The following PCDHGA10 variants were observed in gnomAD, a reference collection of about 807,000 sequenced individuals.
PCDHGA10 encodes the protein protocadherin gamma subfamily A, 10, also known as protocadherin gamma-A10.
PCDHGA10 carries 42 observed loss-of-function variants against 59.5 expected under a neutral mutation model. That is an observed-to-expected ratio of 0.71 (90% confidence interval 0.55 to 0.91). PCDHGA10 has a LOEUF of 0.91. Ranked by LOEUF, PCDHGA10 falls within the 40% of genes least tolerant of loss-of-function variation. PCDHGA10 has a pLI of 0.00. For synonymous variants in PCDHGA10, 511 were observed against 517.2 expected, an observed-to-expected ratio of 0.99 and a Z score of 0.16; for missense variants, 1,111 against 1,198.2, an observed-to-expected ratio of 0.93 and a Z score of 1.07.
intron 1 of PCDHGA10, among the ~76,000 whole-genome samples, chr5:141,468,178 T>G (rs1033546956): frequency 1.3e-5 from 2 of 151,580 alleles, no homozygotes; most frequent in African/African-American, 4.8e-5. Context: ...TAGAAAAATT[T>G]GCTGGGCATG....
chr5:141,414,372 A>G lies in PCDHGA10; in HGVS notation c.1197A>G (p.Glu399=). Residue 399 remains glutamate (E), a synonymous_variant, in exon 1 of 4, where the codon GAA becomes GAG. Coordinates refer to ENST00000398610, the MANE Select transcript of PCDHGA10 (RefSeq NM_018913.3). ...TGGCGTATCTACCATTTAAATTAGA[A>G]AAGTCCATTGACAGTTATTACAGAT... The part of the protein sequence containing the change: ...SILAYLPFKL[E]KSIDSYYRLV... 2 of 1,613,914 alleles carry G rather than the reference A, an allele frequency of 1.2e-6. No individual in the cohort carries two copies. Among genetic ancestry groups the G allele is most frequent in the Non-Finnish European group, 1.7e-6 (2 of 1,179,892 alleles).
Position 141,511,103 on chromosome 5 carries a change from A to G in PCDHGA10, c.2741A>G (p.Lys914Arg), listed in dbSNP as rs779731716. The G allele has an allele frequency of 6.2e-7, 1 of 1,614,214 alleles. No individual in the cohort carries two copies. The highest frequency in any genetic ancestry group is 8.5e-7 in the Non-Finnish European group (1 of 1,180,026). The change falls in exon 4 of 4, where the codon AAG becomes AGG. Residue 914 changes from lysine to arginine, a missense_variant. By Grantham distance (26) the Lys-to-Arg change is conservative. Coordinates refer to ENST00000398610, the MANE Select transcript of PCDHGA10 (RefSeq NM_018913.3). ...SNATLTNAAGKRDGKAPAGGN... is the reference protein window; with the variant it reads ...SNATLTNAAGRRDGKAPAGGN... ...GCCACACTGACCAACGCAGCTGGCA[A>G]GCGGGATGGCAAGGCCCCAGCAGGT...
chr5:141,443,385 T>G (rs2098386152), intron 1 of PCDHGA10, among the ~76,000 whole-genome samples: 2 of 151,940 alleles, frequency 1.3e-5, no homozygotes, highest in African/African-American at 4.8e-5. Flanking sequence ...CTTGGGAGGC[T>G]GAGGTGTGAG....
In PCDHGA10 at chr5:141,477,681, T is replaced by G; in HGVS notation, c.2437-17126T>G. On this transcript the variant is annotated intron_variant, in intron 1 of 3. Transcript: ENST00000398610. This position sits in a 1 kb window ranked among gnomAD's most constrained non-coding sequence, Gnocchi z 4.9. ...CGTGACAATGGCATAGTGTCATCCT[T>G]AGTGCCCCTAGACTATGAGGATCGG... 1 of 1,614,180 alleles carries G rather than the reference T, an allele frequency of 6.2e-7. No individual in the cohort carries two copies. Among genetic ancestry groups the G allele is most frequent in the Non-Finnish European group, 8.5e-7 (1 of 1,180,046 alleles).
chr5:141,447,823 C>T lies in PCDHGA10; in HGVS notation c.2436+32212C>T, dbSNP rs192381755. ...AAAATTGGCTGGGCGTGGTGGCTCA[C>T]GCCTGTAATCCCAGTGCTTTGGGAG... On this transcript the variant is annotated intron_variant, in intron 1 of 3. Coordinates refer to ENST00000398610, the MANE Select transcript of PCDHGA10 (RefSeq NM_018913.3). Among the ~76,000 whole-genome samples, 677 of 152,272 alleles carry T rather than the reference C, an allele frequency of 4.4e-3. 5 individuals are homozygous for T. Among genetic ancestry groups the T allele is most frequent in the African/African-American group, 0.015 (635 of 41,548 alleles).
chr5:141,441,937 C>T, intron 1 of PCDHGA10: 1 of 344,792 alleles, frequency 2.9e-6, no homozygotes, highest in Non-Finnish European at 5.6e-6. Context: ...GCTGTCCTAC[C>T]ACGTGCTGCA....
chr5:141,486,803 C>T lies in PCDHGA10; in HGVS notation c.2437-8004C>T. 1 of 1,614,228 alleles carries T rather than the reference C, an allele frequency of 6.2e-7. No homozygotes were observed. Among genetic ancestry groups the T allele is most frequent in the South Asian group, 1.1e-5 (1 of 91,084 alleles). ...GCAGGCCCGGGATCGGGGCAACCCACCCCTTAGCAGCACTGTAACAGTTCG... is the reference window on the plus strand; with the variant it reads ...GCAGGCCCGGGATCGGGGCAACCCATCCCTTAGCAGCACTGTAACAGTTCG... On this transcript the variant is annotated intron_variant, in intron 1 of 3. Coordinates refer to ENST00000398610, the MANE Select transcript of PCDHGA10 (RefSeq NM_018913.3). The surrounding 1 kb of genome is among the most constrained non-coding windows in gnomAD (Gnocchi z 5.0).
Position 141,489,533 on chromosome 5 carries a change from C to G in PCDHGA10, c.2437-5274C>G, listed in dbSNP as rs754586925. The G allele has an allele frequency of 6.2e-7, 1 of 1,614,086 alleles. No individual in the cohort carries two copies. The highest frequency in any genetic ancestry group is 1.7e-5 in the Admixed American group (1 of 60,030). ...ATTGACCGAGAAAGCCTATGTGGAG[C>G]CAGCACCAGCTGCCTGCTGCCAGTG... On this transcript the variant is annotated intron_variant, in intron 1 of 3. Coordinates refer to ENST00000398610, the MANE Select transcript of PCDHGA10 (RefSeq NM_018913.3). The surrounding 1 kb of genome is among the most constrained non-coding windows in gnomAD (Gnocchi z 4.5).
chr5:141,424,061 CTGATT>C, intron 1 of PCDHGA10: 1 of 1,003,194 alleles, frequency 1.0e-6, no homozygotes, highest in Non-Finnish European at 1.2e-6. Flanking sequence ...TGTGCCTTCA[CTGATT>C]TGTAGTTATA....
At chr5:141,459,531 A>G (rs1479666418) in intron 1 of PCDHGA10, among the ~76,000 whole-genome samples, 2 of 152,184 alleles carry the variant, frequency 1.3e-5, no homozygotes, top group Admixed American at 1.3e-4. Context: ...TTTTGTAGGC[A>G]TATTTTTTTT....
chr5:141,432,421 C>T lies in PCDHGA10; in HGVS notation c.2436+16810C>T, dbSNP rs771647620. 10 of 1,614,126 alleles carry T rather than the reference C, an allele frequency of 6.2e-6. No homozygotes were observed. In the African/African-American group the frequency reaches 1.2e-4, roughly 19 times the overall value. ...TGTCGTTGAGCCTGTTCGTGCTGGA[C>T]CAGAACGACAATGCGCCCGAGATCC... On this transcript the variant is annotated intron_variant, in intron 1 of 3. Transcript: ENST00000398610. This position sits in a 1 kb window ranked among gnomAD's most constrained non-coding sequence, Gnocchi z 6.0.
rs201160783 is a variant in PCDHGA10, at chr5:141,418,846, A to G, written c.2436+3235A>G. The G allele has an allele frequency of 7.4e-5, 120 of 1,613,976 alleles. No homozygotes were observed. In the East Asian group the frequency reaches 2.6e-3, roughly 34 times the overall value. On this transcript the variant is annotated intron_variant, in intron 1 of 3. Transcript: ENST00000398610. Reference sequence around the variant, plus strand: ...CAAAAGACCGAGGATCTCTCTCAACACGGTGTAAAGTAATTGTAGAAGTTG... The same window carrying G: ...CAAAAGACCGAGGATCTCTCTCAACGCGGTGTAAAGTAATTGTAGAAGTTG...
At chr5:141,479,975 C>A (rs1459297521) in intron 1 of PCDHGA10, among the ~76,000 whole-genome samples, 1 of 152,186 alleles carries the variant, frequency 6.6e-6, no homozygotes, top group East Asian at 1.9e-4. Context: ...TGAGGTTCTA[C>A]CATTTACCAA....
intron 3 of PCDHGA10, among the ~76,000 whole-genome samples, chr5:141,510,117 T>C (rs1205620535): frequency 6.6e-6 from 1 of 151,908 alleles, no homozygotes; most frequent in East Asian, 1.9e-4. Context: ...TGTTTTGAAA[T>C]ACAAAAATTA....
In PCDHGA10 at chr5:141,477,088, C is replaced by G. The variant is rs1008530221; in HGVS notation, c.2437-17719C>G. On this transcript the variant is annotated intron_variant, in intron 1 of 3. Transcript: ENST00000398610. This position sits in a 1 kb window ranked among gnomAD's most constrained non-coding sequence, Gnocchi z 4.9. ...AACTCCATGAGATTTACATCCAGGC[C>G]AAAGACAAGGGCGCCAATCCCGAAG... The G allele has an allele frequency of 1.2e-6, 2 of 1,614,112 alleles. No individual in the cohort carries two copies. The highest frequency in any genetic ancestry group is 1.6e-4 in the Middle Eastern group (1 of 6,084).
chr5:141,455,541 A>G (rs2098825752), intron 1 of PCDHGA10, among the ~76,000 whole-genome samples: 1 of 152,134 alleles, frequency 6.6e-6, no homozygotes, highest in African/African-American at 2.4e-5. Context: ...CATATCATTC[A>G]CGTAGCCCGA....
intron 1 of PCDHGA10, among the ~76,000 whole-genome samples, chr5:141,443,866 T>C (rs1017854695): frequency 6.6e-6 from 1 of 151,986 alleles, no homozygotes; most frequent in Non-Finnish European, 1.5e-5. Context: ...ACTGAAAAAA[T>C]TACTGATAAG....
chr5:141,434,253 G>C (rs979768901), intron 1 of PCDHGA10, among the ~76,000 whole-genome samples: 9 of 152,198 alleles, frequency 5.9e-5, no homozygotes, highest in Non-Finnish European at 1.3e-4. Flanking sequence ...CTTGGGCATT[G>C]TGGGGGAGGT....
chr5:141,415,234 A>G lies in PCDHGA10; in HGVS notation c.2059A>G (p.Asn687Asp). ...ADLGSFESPA[N>D]SETSDLTLYL... Reference sequence around the variant, plus strand: ...CCTCGGCAGCTTCGAGTCTCCAGCTAACTCTGAAACCTCAGACCTCACTCT... The same window carrying G: ...CCTCGGCAGCTTCGAGTCTCCAGCTGACTCTGAAACCTCAGACCTCACTCT... The change falls in exon 1 of 4, where the codon AAC becomes GAC. Residue 687 changes from asparagine (N) to aspartate (D), a missense_variant. By Grantham distance (23) the Asn-to-Asp change is conservative (BLOSUM62 1). Transcript: ENST00000398610. 2 of 1,614,136 alleles carry G rather than the reference A, an allele frequency of 1.2e-6. No individual in the cohort carries two copies. Among genetic ancestry groups the G allele is most frequent in the Non-Finnish European group, 1.7e-6 (2 of 1,180,022 alleles).
Sources: allele counts gnomAD v4.1 joint callset (sites outside exome capture counted in the v4.1 genomes callset), GRCh38; gene constraint gnomAD v4.1.1; non-coding constraint Gnocchi (gnomAD v3.1); transcripts MANE v1.5; gene names NCBI Gene and HGNC (gene_info 2026-07-23, HGNC 2026-07-21).